Variants in TSPEAR observed in about 807,000 individuals in gnomAD.
TSPEAR encodes the protein thrombospondin-type laminin G domain and EAR repeat-containing protein.
TSPEAR carries 69 observed loss-of-function variants against 71.6 expected under a neutral mutation model. That is an observed-to-expected ratio of 0.96 (90% confidence interval 0.79 to 1.18). TSPEAR has a LOEUF of 1.18. Ranked by LOEUF, TSPEAR falls within the 50% of genes most tolerant of loss-of-function variation. TSPEAR has a pLI of 0.00. For synonymous variants in TSPEAR, 402 were observed against 387.2 expected, an observed-to-expected ratio of 1.04 and a Z score of -0.45; for missense variants, 971 against 894.9, an observed-to-expected ratio of 1.09 and a Z score of -1.09.
At chr21:44,577,254 C>T (rs1555924098) in intron 1 of TSPEAR, among the ~76,000 whole-genome samples, 1 of 152,156 alleles carries the variant, frequency 6.6e-6, no homozygotes, top group Non-Finnish European at 1.5e-5. Context: ...CCAAAAATAA[C>T]TAGAAATAAT....
chr21:44,705,053 G>C (rs1477905862), intron 1 of TSPEAR, among the ~76,000 whole-genome samples: 1 of 152,230 alleles, frequency 6.6e-6, no homozygotes, highest in Non-Finnish European at 1.5e-5. Flanking sequence ...CAAACAGAGA[G>C]ACCGGCTGAA....
intron 2 of TSPEAR, among the ~76,000 whole-genome samples, chr21:44,552,956 G>A (rs141845205): frequency 6.6e-6 from 1 of 152,356 alleles, no homozygotes; most frequent in African/African-American, 2.4e-5. Flanking sequence ...CAGGGTGAGA[G>A]CCGAAGGGAA....
rs1395744959 is a variant in TSPEAR, at chr21:44,509,474, C to T, written c.1567-88G>A. 346 of 191,612 alleles carry T rather than the reference C, an allele frequency of 1.8e-3. 1 individual carries two copies. Among genetic ancestry groups the T allele is most frequent in the African/African-American group, 0.013 (264 of 19,698 alleles). The allele number at this position is 191,612 out of a possible 1,614,324, so 11.9% of individuals were successfully genotyped here. ...GGGCGCAGAGGTGTGGGGGAGCGGGCGCAGAGGTGTGGGGGAGGGGGCGCA... is the reference window on the plus strand; with the variant it reads ...GGGCGCAGAGGTGTGGGGGAGCGGGTGCAGAGGTGTGGGGGAGGGGGCGCA... On this transcript the variant is annotated intron_variant, in intron 9 of 11. Coordinates refer to ENST00000323084, the MANE Select transcript of TSPEAR (RefSeq NM_144991.3).
intron 1 of TSPEAR, among the ~76,000 whole-genome samples, chr21:44,605,332 T>C (rs1569215544): frequency 6.6e-6 from 1 of 152,196 alleles, no homozygotes; most frequent in African/African-American, 2.4e-5. Flanking sequence ...CAATGTCCCA[T>C]ATTCACGGAT....
intron 2 of TSPEAR, among the ~76,000 whole-genome samples, chr21:44,552,938 C>T (rs2053468100): frequency 6.6e-6 from 1 of 152,234 alleles, no homozygotes; most frequent in African/African-American, 2.4e-5. Context: ...GCAGTCAGCA[C>T]TGGGAGCCAG....
At chr21:44,630,494 C>A (rs1278526118) in intron 1 of TSPEAR, among the ~76,000 whole-genome samples, 2 of 152,178 alleles carry the variant, frequency 1.3e-5, no homozygotes, top group Admixed American at 6.5e-5. Context: ...TTGGAAGATT[C>A]CACATATTCT....
At chr21:44,541,651 A>G (rs1486168989) in intron 2 of TSPEAR, among the ~76,000 whole-genome samples, 1 of 151,590 alleles carries the variant, frequency 6.6e-6, no homozygotes, top group Non-Finnish European at 1.5e-5. Flanking sequence ...GAATTAGAAG[A>G]AAAAAACCAC....
At chr21:44,519,373 T>G (rs1434910047) in intron 9 of TSPEAR, 1 of 152,282 alleles carries the variant, frequency 6.6e-6, no homozygotes, top group Non-Finnish European at 1.5e-5. Context: ...TATCGAGCCC[T>G]CCTTGGGAGT....
At chr21:44,512,217 A>C (rs2052406231) in intron 9 of TSPEAR, among the ~76,000 whole-genome samples, 1 of 152,176 alleles carries the variant, frequency 6.6e-6, no homozygotes, top group Admixed American at 6.5e-5. Context: ...CCTCCAGGCA[A>C]AGGTCACTGG....
At chr21:44,692,211 T>C (rs1987150959) in intron 1 of TSPEAR, among the ~76,000 whole-genome samples, 1 of 152,296 alleles carries the variant, frequency 6.6e-6, no homozygotes, top group South Asian at 2.1e-4. Context: ...TTCCTCAACA[T>C]GCTAAACAGC....
At chr21:44,581,041 G>A (rs465333) in intron 1 of TSPEAR, among the ~76,000 whole-genome samples, 139,052 of 152,200 alleles carry the variant, frequency 0.91, 63,956 homozygotes, top group Non-Finnish European at 0.97. Context: ...AGAAAAATAT[G>A]CATTTCTTAT....
At chr21:44,637,840 A>G in intron 1 of TSPEAR, 1 of 1,359,964 alleles carries the variant, frequency 7.4e-7, no homozygotes, top group South Asian at 1.3e-5. Context: ...CCTCCTCCCC[A>G]TGCCAGCAGG....
At chr21:44,601,806 C>T (rs989776404) in intron 1 of TSPEAR, 34 of 1,548,336 alleles carry the variant, frequency 2.2e-5, no homozygotes, top group African/African-American at 1.1e-4. Context: ...TTACCCTTGA[C>T]GGCTCTCCAC....
intron 10 of TSPEAR, among the ~76,000 whole-genome samples, chr21:44,505,377 C>T (rs1482509991): frequency 6.6e-6 from 1 of 152,046 alleles, no homozygotes; most frequent in Non-Finnish European, 1.5e-5. Context: ...CCATGCCTGG[C>T]CTCAAATTTT....
At chr21:44,627,162 C>G (rs1982851191) in intron 1 of TSPEAR, 1 of 1,609,352 alleles carries the variant, frequency 6.2e-7, no homozygotes, top group Non-Finnish European at 8.5e-7. Flanking sequence ...CACCTCCTCC[C>G]CACCCCAGCA....
intron 1 of TSPEAR, among the ~76,000 whole-genome samples, chr21:44,599,520 C>T (rs1361442641): frequency 1.3e-5 from 2 of 152,238 alleles, no homozygotes; most frequent in African/African-American, 4.8e-5. Flanking sequence ...CACCAGGCAC[C>T]AAGCAGCCCA....
intron 1 of TSPEAR, chr21:44,676,985 C>T (rs1344366605): frequency 6.5e-6 from 6 of 929,840 alleles, no homozygotes; most frequent in Non-Finnish European, 1.1e-5. Flanking sequence ...ACGCTCATTC[C>T]TTTCCACCCA....
intron 1 of TSPEAR, among the ~76,000 whole-genome samples, chr21:44,707,305 G>GGGGA (rs1555952620): frequency 6.6e-6 from 1 of 152,050 alleles, no homozygotes; most frequent in Non-Finnish European, 1.5e-5. Flanking sequence ...CGCGGGGTGG[G>GGGGA]GGGGGGTGCG....
At chr21:44,601,367 C>T in intron 1 of TSPEAR, 1 of 1,613,604 alleles carries the variant, frequency 6.2e-7, no homozygotes. Context: ...GATTCCGGTT[C>T]ATGCTGCCAG....
Sources: allele counts gnomAD v4.1 joint callset (sites outside exome capture counted in the v4.1 genomes callset), GRCh38; gene constraint gnomAD v4.1.1; transcripts MANE v1.5; gene names NCBI Gene and HGNC (gene_info 2026-07-23, HGNC 2026-07-21).